IQCJ: variants seen among roughly 807,000 people sequenced by gnomAD.
IQCJ encodes IQ motif containing J.
Under a neutral mutation model 11.0 loss-of-function variants are expected in IQCJ, and 9 were observed. That is an observed-to-expected ratio of 0.82 (90% CI 0.49 to 1.43). The LOEUF is 1.43. Ranked by LOEUF, IQCJ falls within the 40% of genes most tolerant of loss-of-function variation. The probability of loss-of-function intolerance (pLI) is 0.00; values close to 1 mark genes in which losing one functional copy is unlikely to be tolerated. For synonymous variants in IQCJ, 55 were observed against 51.3 expected, an observed-to-expected ratio of 1.07 and a Z score of -0.31; for missense variants, 146 against 133.2, an observed-to-expected ratio of 1.10 and a Z score of -0.47.
intron 1 of IQCJ, among the ~76,000 whole-genome samples, chr3:159,107,595 G>C (rs1478200124): frequency 6.6e-6 from 1 of 152,172 alleles, no homozygotes; most frequent in Non-Finnish European, 1.5e-5. Context: ...CGGTGTGGCT[G>C]AGTCTGATAA....
chr3:159,252,748 A>G lies in IQCJ; in HGVS notation c.96A>G (p.Ala32=), dbSNP rs1727675570. 1 of 1,612,112 alleles carries G rather than the reference A, an allele frequency of 6.2e-7. No homozygotes were observed. The highest frequency in any genetic ancestry group is 1.7e-5 in the Admixed American group (1 of 59,782). Residue 32 remains alanine (A), a synonymous_variant, in exon 3 of 4, where the codon GCA becomes GCG. Transcript: ENST00000397832. ...SFENHQLAMD[A]ENNIEKYPLN... is the part of the protein sequence containing the mutation. ...CTAGTCACCAGCTGGCCATGGATGC[A>G]GAGAATAATATTGAAAAGTATCCCC...
intron 1 of IQCJ, among the ~76,000 whole-genome samples, chr3:159,218,124 T>C (rs919082741): frequency 6.6e-6 from 1 of 151,984 alleles, no homozygotes; most frequent in Non-Finnish European, 1.5e-5. Context: ...ACAAGTCTCA[T>C]AAACAATCCT....
Position 159,263,393 on chromosome 3 carries a change from A to G in IQCJ, c.*662A>G. 4 of 967,494 alleles carry G rather than the reference A, an allele frequency of 4.1e-6. No individual in the cohort carries two copies. The highest frequency in any genetic ancestry group is 4.9e-6 in the Non-Finnish European group (4 of 813,548). 59.9% of individuals were successfully genotyped at this position (967,494 alleles called of 1,614,324 possible). A position where few individuals can be genotyped will look rare whatever the true frequency, so the allele number is the denominator to read the frequency against. Reference sequence around the variant, plus strand: ...CAATTGACCTACAGGCCACCAGTTTAAGAAATCTGAGATAGAGAGTTAAGG... The same window carrying G: ...CAATTGACCTACAGGCCACCAGTTTGAGAAATCTGAGATAGAGAGTTAAGG... On this transcript the variant is annotated 3_prime_UTR_variant, in exon 4 of 4. Transcript: ENST00000397832.
intron 1 of IQCJ, among the ~76,000 whole-genome samples, chr3:159,174,105 C>A (rs1056648527): frequency 6.6e-6 from 1 of 152,040 alleles, no homozygotes; most frequent in Non-Finnish European, 1.5e-5. Context: ...TAAAAAATTG[C>A]AGTGACTATC....
In IQCJ at chr3:159,263,521, T is replaced by C. The variant is rs866156761; in HGVS notation, c.*790T>C. 5.1e-6 allele frequency: 5 copies of C among 985,002 alleles called. No individual in the cohort carries two copies. Among genetic ancestry groups the C allele is most frequent in the South Asian group, 9.4e-5 (2 of 21,272 alleles). The allele number at this position is 985,002 out of a possible 1,614,324, so 61.0% of individuals were successfully genotyped here. On this transcript the variant is annotated 3_prime_UTR_variant, in exon 4 of 4. Transcript: ENST00000397832. Reference sequence around the variant, plus strand: ...AACCAGGATTTTGTGGATTTAAGCATTGTGATAATTTGTAACCAGTCACTG... The same window carrying C: ...AACCAGGATTTTGTGGATTTAAGCACTGTGATAATTTGTAACCAGTCACTG...
intron 1 of IQCJ, among the ~76,000 whole-genome samples, chr3:159,124,860 G>A (rs1719582968): frequency 3.3e-5 from 5 of 152,154 alleles, no homozygotes; most frequent in Admixed American, 2.6e-4. Flanking sequence ...AATAAGAGTG[G>A]TTAATACTTA....
intron 1 of IQCJ, among the ~76,000 whole-genome samples, chr3:159,206,258 A>C (rs1724651878): frequency 6.6e-6 from 1 of 152,138 alleles, no homozygotes; most frequent in African/African-American, 2.4e-5. Context: ...TAAACTAAGC[A>C]ATTTCTTCCT....
intron 3 of IQCJ, among the ~76,000 whole-genome samples, chr3:159,255,765 A>T (rs1020433185): frequency 1.3e-5 from 2 of 152,228 alleles, no homozygotes; most frequent in African/African-American, 2.4e-5. Context: ...AGCAATCAAG[A>T]TCGTATGGCT....
At chr3:159,112,762 G>C (rs1718714589) in intron 1 of IQCJ, among the ~76,000 whole-genome samples, 1 of 152,162 alleles carries the variant, frequency 6.6e-6, no homozygotes, top group Non-Finnish European at 1.5e-5. Context: ...TATGTTTAAT[G>C]AATCAGTGAG....
intron 1 of IQCJ, among the ~76,000 whole-genome samples, chr3:159,088,257 A>G (rs1303818048): frequency 2.0e-5 from 3 of 152,120 alleles, no homozygotes; most frequent in South Asian, 4.2e-4. Context: ...CCTGAGTTCT[A>G]GTTTGATTGC....
intron 1 of IQCJ, among the ~76,000 whole-genome samples, chr3:159,102,962 G>T (rs1299630913): frequency 6.6e-6 from 1 of 152,050 alleles, no homozygotes; most frequent in Non-Finnish European, 1.5e-5. Flanking sequence ...AAAATGATTT[G>T]CCATTTCCAC....
chr3:159,253,407 G>T (rs1727713508), intron 3 of IQCJ, among the ~76,000 whole-genome samples: 1 of 152,048 alleles, frequency 6.6e-6, no homozygotes, highest in Admixed American at 6.6e-5. Context: ...AATTGAGAAA[G>T]ACTTTATTAT....
At chr3:159,252,917 G>A in intron 3 of IQCJ, 110 bp downstream of exon 3, 3 of 1,090,320 alleles carry the variant, frequency 2.8e-6, no homozygotes, top group Non-Finnish European at 4.0e-6. Context: ...TTACATTCAT[G>A]TGCTGCATAT....
intron 1 of IQCJ, among the ~76,000 whole-genome samples, chr3:159,145,528 G>T (rs1327861249): frequency 2.0e-5 from 3 of 150,710 alleles, no homozygotes; most frequent in Non-Finnish European, 4.4e-5. Flanking sequence ...AAAAATGTTT[G>T]TGACCAGAAG....
chr3:159,253,758 G>A (rs1187071762), intron 3 of IQCJ, among the ~76,000 whole-genome samples: 1 of 152,136 alleles, frequency 6.6e-6, no homozygotes, highest in Non-Finnish European at 1.5e-5. Flanking sequence ...TTTTAGAAAA[G>A]AAATCGCCCT....
At chr3:159,176,710 G>A (rs189659968) in intron 1 of IQCJ, among the ~76,000 whole-genome samples, 12 of 152,214 alleles carry the variant, frequency 7.9e-5, no homozygotes, top group East Asian at 5.8e-4. Flanking sequence ...TACTCAATGC[G>A]AAAATTAATG....
chr3:159,139,597 AGTTGC>A (rs1256835951), intron 1 of IQCJ, among the ~76,000 whole-genome samples: 1 of 152,210 alleles, frequency 6.6e-6, no homozygotes, highest in Non-Finnish European at 1.5e-5. Flanking sequence ...GGTGGTAACA[AGTTGC>A]CAGCTGTTGG....
chr3:159,101,513 C>T (rs1472313654), intron 1 of IQCJ, among the ~76,000 whole-genome samples: 3 of 152,194 alleles, frequency 2.0e-5, no homozygotes, highest in African/African-American at 7.2e-5. Flanking sequence ...GGGAGAGCCA[C>T]TCAGTGGACA....
chr3:159,219,160 A>G (rs1725398062), intron 1 of IQCJ, among the ~76,000 whole-genome samples: 1 of 152,118 alleles, frequency 6.6e-6, no homozygotes. Flanking sequence ...GGGCATCTCT[A>G]GGGACCATTA....
Sources: allele counts gnomAD v4.1 joint callset (sites outside exome capture counted in the v4.1 genomes callset), GRCh38; gene constraint gnomAD v4.1.1; transcripts MANE v1.5; gene names NCBI Gene and HGNC (gene_info 2026-07-23, HGNC 2026-07-21).